Variants in FRMD3 observed in about 807,000 individuals in gnomAD.
FRMD3 encodes FERM domain-containing protein 3.
A neutral mutation model predicts 70.2 loss-of-function variants in FRMD3; 33 were observed. The ratio of observed to expected loss-of-function variants is 0.47; its 90% CI spans 0.36 to 0.63. The LOEUF is 0.63. FRMD3 is among the 20% of genes least tolerant of loss of function. The pLI, the probability that FRMD3 is intolerant of heterozygous loss-of-function variation, is 0.00. For missense variants in FRMD3, 632 were observed against 711.4 expected (o/e 0.89, Z 1.27); for synonymous variants, 279 against 255.9 (o/e 1.09, Z -0.86).
intron 13 of FRMD3, 77 bp from the exon 14 acceptor site, chr9:83,248,593 A>AG: frequency 1.4e-6 from 2 of 1,420,190 alleles, no homozygotes; most frequent in Non-Finnish European, 1.9e-6. Context: ...AAACAGAAAA[A>AG]CAAAAAACTA....
At chr9:83,389,994 C>T (rs1825622158) in intron 1 of FRMD3, among the ~76,000 whole-genome samples, 1 of 152,148 alleles carries the variant, frequency 6.6e-6, no homozygotes, top group Admixed American at 6.5e-5. Flanking sequence ...TTGTCTAATG[C>T]TATTTATGAC....
chr9:83,328,621 T>C (rs1012315393), intron 6 of FRMD3, among the ~76,000 whole-genome samples: 1 of 152,190 alleles, frequency 6.6e-6, no homozygotes, highest in African/African-American at 2.4e-5. Flanking sequence ...ATGAATTATT[T>C]TGTAGATAAA....
chr9:83,472,897 T>C (rs918996179), intron 1 of FRMD3, among the ~76,000 whole-genome samples: 5 of 152,186 alleles, frequency 3.3e-5, no homozygotes, highest in African/African-American at 1.2e-4. Context: ...GCTTTCCTCA[T>C]AGGCAGTCAA....
At chr9:83,583,284 T>C in the FRMD3 span, among the ~76,000 whole-genome samples, 1 of 152,172 alleles carries the variant, frequency 6.6e-6, no homozygotes, top group African/African-American at 2.4e-5. Flanking sequence ...GTTAAGAACA[T>C]CTCGCTACTC....
At chr9:83,545,519 A>G in the FRMD3 span, among the ~76,000 whole-genome samples, 1 of 151,530 alleles carries the variant, frequency 6.6e-6, no homozygotes, top group African/African-American at 2.4e-5. Flanking sequence ...CACCACACCC[A>G]GCTAATTTTT....
intron 1 of FRMD3, among the ~76,000 whole-genome samples, chr9:83,521,958 T>C (rs962832433): frequency 6.6e-6 from 1 of 152,114 alleles, no homozygotes; most frequent in Non-Finnish European, 1.5e-5. Flanking sequence ...CTCCAGAAAA[T>C]CTTCTTGGCC....
the FRMD3 span, among the ~76,000 whole-genome samples, chr9:83,575,746 T>A: frequency 6.6e-6 from 1 of 152,190 alleles, no homozygotes; most frequent in Non-Finnish European, 1.5e-5. Flanking sequence ...ATAAAGAGAT[T>A]GAATTACTAG....
rs1215505462 is a variant in FRMD3, at chr9:83,529,248, A to G, written c.147+8837T>C. Among the ~76,000 whole-genome samples, 2 of 152,216 alleles carry G rather than the reference A, an allele frequency of 1.3e-5. 1 individual carries two copies. The highest frequency in any genetic ancestry group is 4.1e-4 in the South Asian group (2 of 4,830). On this transcript the variant is annotated intron_variant, in intron 1 of 13. Coordinates refer to ENST00000304195, the MANE Select transcript of FRMD3 (RefSeq NM_174938.6). ...GGAAAAGAGTTGCTTTTTTCAACAA[A>G]TGGTGCTGGGACAACTGGATATCCA...
intron 1 of FRMD3, among the ~76,000 whole-genome samples, chr9:83,424,320 T>C (rs1826739102): frequency 6.6e-6 from 1 of 152,230 alleles, no homozygotes; most frequent in Admixed American, 6.5e-5. Flanking sequence ...TCACTTTCCC[T>C]TGTCTACCCT....
upstream of FRMD3, among the ~76,000 whole-genome samples, chr9:83,539,471 A>T (rs1473917050): frequency 6.6e-6 from 1 of 152,224 alleles, no homozygotes; most frequent in Non-Finnish European, 1.5e-5. Context: ...AGAACAGGTC[A>T]TTAGGAAGGA....
the FRMD3 span, among the ~76,000 whole-genome samples, chr9:83,548,583 G>A: frequency 6.6e-6 from 1 of 152,164 alleles, no homozygotes; most frequent in African/African-American, 2.4e-5. Flanking sequence ...GAGAGTGGGT[G>A]AGATGAATAG....
chr9:83,545,443 C>T, the FRMD3 span, among the ~76,000 whole-genome samples: 4 of 150,554 alleles, frequency 2.7e-5, no homozygotes, highest in African/African-American at 4.9e-5. Flanking sequence ...CTGCAAGCTC[C>T]GCCTCCTGGG....
intron 4 of FRMD3, among the ~76,000 whole-genome samples, chr9:83,347,493 T>C (rs1192800773): frequency 6.6e-6 from 1 of 152,298 alleles, no homozygotes; most frequent in East Asian, 1.9e-4. Flanking sequence ...TTTTGTAACA[T>C]TCAATTGTAT....
chr9:83,557,344 A>G, the FRMD3 span, among the ~76,000 whole-genome samples: 2 of 152,246 alleles, frequency 1.3e-5, no homozygotes, highest in Non-Finnish European at 2.9e-5. Context: ...AACTTCTTTT[A>G]TGACATTGGT....
intron 1 of FRMD3, among the ~76,000 whole-genome samples, chr9:83,518,420 T>A (rs985002315): frequency 1.3e-5 from 2 of 152,076 alleles, no homozygotes; most frequent in Admixed American, 1.3e-4. Context: ...TACCTAGGAA[T>A]ACAACTTACA....
intron 1 of FRMD3, among the ~76,000 whole-genome samples, chr9:83,438,069 C>A (rs1827187632): frequency 6.6e-6 from 1 of 152,010 alleles, no homozygotes; most frequent in Non-Finnish European, 1.5e-5. Flanking sequence ...CTGGAAGTGC[C>A]AGTAAAAGGC....
chr9:83,564,175 A>G, the FRMD3 span, among the ~76,000 whole-genome samples: 2 of 152,176 alleles, frequency 1.3e-5, no homozygotes, highest in African/African-American at 4.8e-5. Context: ...GACCATTGGG[A>G]AAAGTTTGTT....
rs192015861 is a variant in FRMD3, at chr9:83,247,538, T to G, written c.*380A>C. 1 of 993,622 alleles carries G rather than the reference T, an allele frequency of 1.0e-6. No individual in the cohort carries two copies. Among genetic ancestry groups the G allele is most frequent in the Admixed American group, 5.6e-5 (1 of 17,912 alleles). The allele number at this position is 993,622 out of a possible 1,614,324, so 61.6% of individuals were successfully genotyped here. On this transcript the variant is annotated 3_prime_UTR_variant, in exon 14 of 14. Coordinates refer to ENST00000304195, the MANE Select transcript of FRMD3 (RefSeq NM_174938.6). ...AGGATTATATTCAACAACTTTCTCT[T>G]GAGTTGTTACTAAAATTCTGATTCT...
At chr9:83,420,144 G>A (rs1215754821) in intron 1 of FRMD3, among the ~76,000 whole-genome samples, 3 of 152,120 alleles carry the variant, frequency 2.0e-5, no homozygotes, top group Non-Finnish European at 4.4e-5. Flanking sequence ...CTATAATAGC[G>A]TGTGCTCTGT....
Sources: allele counts gnomAD v4.1 joint callset (sites outside exome capture counted in the v4.1 genomes callset), GRCh38; gene constraint gnomAD v4.1.1; transcripts MANE v1.5; gene names NCBI Gene and HGNC (gene_info 2026-07-23, HGNC 2026-07-21).